The following OR6N1 variants were observed in gnomAD, a reference collection of about 807,000 sequenced individuals.
OR6N1 encodes the protein olfactory receptor 6N1.
For missense variants in OR6N1, 394 were observed against 371.7 expected (o/e 1.06, Z -0.49); for synonymous variants, 170 against 150.7 (o/e 1.13, Z -0.94).
upstream of OR6N1, chr1:158,774,097 T>C (rs1425755291): frequency 3.3e-5 from 5 of 152,232 alleles, no homozygotes; most frequent in Non-Finnish European, 7.3e-5. Flanking sequence ...GTCTTTTTTA[T>C]GGTATCACAT....
At chr1:158,822,347 T>A in the OR6N1 span, among the ~76,000 whole-genome samples, 150 of 152,318 alleles carry the variant, frequency 9.8e-4, no homozygotes, top group Non-Finnish European at 1.7e-3. Flanking sequence ...TGAAATGTTT[T>A]TCCATGTGTT....
the OR6N1 span, among the ~76,000 whole-genome samples, chr1:158,781,859 GCACAGTCTT>G: frequency 6.6e-6 from 1 of 152,220 alleles, no homozygotes; most frequent in Non-Finnish European, 1.5e-5. Flanking sequence ...CACAATGTAT[GCACAGTCTT>G]CACAATTACT....
At chr1:158,787,635 T>TCTCTCTCTCTCTCACA in the OR6N1 span, among the ~76,000 whole-genome samples, 3 of 134,316 alleles carry the variant, frequency 2.2e-5, no homozygotes, top group African/African-American at 8.9e-5. Flanking sequence ...TCTCTCTCTC[T>TCTCTCTCTCTCTCACA]CACACACACA....
At chr1:158,813,669 T>A in the OR6N1 span, among the ~76,000 whole-genome samples, 1 of 151,574 alleles carries the variant, frequency 6.6e-6, no homozygotes, top group Non-Finnish European at 1.5e-5. Flanking sequence ...TGGATTATTT[T>A]GATTTTTTAA....
chr1:158,826,813 G>A, the OR6N1 span, among the ~76,000 whole-genome samples: 1 of 152,126 alleles, frequency 6.6e-6, no homozygotes, highest in African/African-American at 2.4e-5. Flanking sequence ...AACAATATGT[G>A]TGAAATAACA....
At chr1:158,840,331 G>A in the OR6N1 span, among the ~76,000 whole-genome samples, 1 of 152,106 alleles carries the variant, frequency 6.6e-6, no homozygotes, top group South Asian at 2.1e-4. Context: ...GCACGGCTGG[G>A]GAGTCCTAAG....
the OR6N1 span, among the ~76,000 whole-genome samples, chr1:158,833,884 A>G: frequency 2.0e-5 from 3 of 152,226 alleles, no homozygotes; most frequent in Non-Finnish European, 4.4e-5. Flanking sequence ...AAATTACTGA[A>G]TCATATGGTA....
chr1:158,776,649 A>G (rs754105344), upstream of OR6N1: 6 of 1,291,222 alleles, frequency 4.6e-6, no homozygotes, highest in Non-Finnish European at 5.4e-6. Flanking sequence ...TTATGAATTG[A>G]ACATTGAGGT....
the OR6N1 span, among the ~76,000 whole-genome samples, chr1:158,819,840 A>G: frequency 1.3e-5 from 2 of 152,182 alleles, no homozygotes; most frequent in African/African-American, 2.4e-5. Context: ...GTTGTTTATA[A>G]TAGAACATAC....
chr1:158,840,180 A>G, the OR6N1 span, among the ~76,000 whole-genome samples: 1 of 152,214 alleles, frequency 6.6e-6, no homozygotes, highest in South Asian at 2.1e-4. Context: ...TCAACAAATC[A>G]TGCCACTATT....
At chr1:158,771,470 A>G (rs1657422107) in intron 1 of OR6N1, among the ~76,000 whole-genome samples, 1 of 152,178 alleles carries the variant, frequency 6.6e-6, no homozygotes, top group African/African-American at 2.4e-5. Context: ...CCTATTCCTG[A>G]TATTGGAATC....
the OR6N1 span, among the ~76,000 whole-genome samples, chr1:158,829,461 A>G: frequency 6.6e-6 from 1 of 152,184 alleles, no homozygotes; most frequent in Non-Finnish European, 1.5e-5. Context: ...TTGCCAAAAC[A>G]TAACAAGAGT....
At chr1:158,784,472 A>C in the OR6N1 span, among the ~76,000 whole-genome samples, 1 of 152,164 alleles carries the variant, frequency 6.6e-6, no homozygotes, top group Non-Finnish European at 1.5e-5. Context: ...GCAATATGAC[A>C]TTGTTTACCA....
chr1:158,798,878 A>C, the OR6N1 span, among the ~76,000 whole-genome samples: 1 of 152,242 alleles, frequency 6.6e-6, no homozygotes, highest in African/African-American at 2.4e-5. Context: ...ACCTCCTTCC[A>C]CTGCATGGCA....
Position 158,765,834 on chromosome 1 carries a change from G to C in OR6N1, c.849C>G (p.Pro283=), listed in dbSNP as rs1367499912. The change falls in exon 2 of 2, where the codon CCC becomes CCG. Residue 283 remains proline, a synonymous_variant. Transcript: ENST00000641846. ...AGCTGTAGATGAAGGGGTTGAGGAA[G>C]GGTGTGAGCACTGAGTAGACCACTG... ...ALAVVYSVLT[P]FLNPFIYSLR... The C allele has an allele frequency of 3.7e-6, 6 of 1,614,038 alleles. No individual in the cohort carries two copies. The highest frequency in any genetic ancestry group is 4.2e-6 in the Non-Finnish European group (5 of 1,180,016).
At position 158,766,215 on chromosome 1, in the gene OR6N1, T is replaced by C. The variant is rs1202829453; in HGVS notation, c.468A>G (p.Pro156=). ...GTGAAATCAAGGAAATTTCAACTAC[T>C]GGCCCAGCCAAGCCTCCCAACCAAC... ...IGCWLGGLAG[P]VVEISLISRL... Residue 156 remains proline (P), a synonymous_variant, in exon 2 of 2, where the codon CCA becomes CCG. Transcript: ENST00000641846. 2.5e-6 allele frequency: 4 copies of C among 1,613,964 alleles called. No homozygotes were observed. Among genetic ancestry groups the C allele is most frequent in the Non-Finnish European group, 3.4e-6 (4 of 1,180,026 alleles).
At chr1:158,821,635 A>C in the OR6N1 span, among the ~76,000 whole-genome samples, 1 of 152,164 alleles carries the variant, frequency 6.6e-6, no homozygotes, top group East Asian at 1.9e-4. Context: ...CTAGGGTTGA[A>C]TAGTATTCCA....
chr1:158,800,200 C>T, the OR6N1 span, among the ~76,000 whole-genome samples: 1 of 152,100 alleles, frequency 6.6e-6, no homozygotes. Context: ...TCAGTGACTT[C>T]CTGGTGGAAT....
the OR6N1 span, among the ~76,000 whole-genome samples, chr1:158,781,656 C>T: frequency 6.6e-6 from 1 of 152,190 alleles, no homozygotes; most frequent in Non-Finnish European, 1.5e-5. Context: ...ATTACTTTTC[C>T]TGATAATGTG....
Sources: allele counts gnomAD v4.1 joint callset (sites outside exome capture counted in the v4.1 genomes callset), GRCh38; gene constraint gnomAD v4.1.1; transcripts MANE v1.5; gene names NCBI Gene and HGNC (gene_info 2026-07-23, HGNC 2026-07-21).